NSD3: variants seen among roughly 807,000 people sequenced by gnomAD.
NSD3 encodes histone-lysine N-methyltransferase NSD3.
A neutral mutation model predicts 160.8 loss-of-function variants in NSD3; 24 were observed. The ratio of observed to expected loss-of-function variants is 0.15; its 90% CI spans 0.11 to 0.21. NSD3 has a LOEUF of 0.21. NSD3 is among the 10% of genes least tolerant of loss of function. NSD3 has a pLI of 1.00. For missense variants in NSD3, 1,157 were observed against 1,735.9 expected (o/e 0.67, Z 5.93); for synonymous variants, 520 against 600.0 (o/e 0.87, Z 1.95).
chr8:38,277,969 T>C (rs368131728), intron 22 of NSD3, among the ~76,000 whole-genome samples: 2 of 151,058 alleles, frequency 1.3e-5, no homozygotes, highest in Non-Finnish European at 3.0e-5. Context: ...GATAGAGTCT[T>C]GCACTGTCAC....
chr8:38,313,275 T>C (rs931041872), intron 12 of NSD3, among the ~76,000 whole-genome samples: 2 of 152,140 alleles, frequency 1.3e-5, no homozygotes, highest in Admixed American at 6.5e-5. Context: ...GTGATGTCCA[T>C]CCTATTCACC....
In NSD3 at chr8:38,289,485, G is replaced by A. The variant is rs377294815; in HGVS notation, c.3139C>T (p.Arg1047Cys). 6 of 1,613,248 alleles carry A rather than the reference G, an allele frequency of 3.7e-6. No individual in the cohort carries two copies. Among genetic ancestry groups the A allele is most frequent in the African/African-American group, 1.3e-5 (1 of 74,778 alleles). Residue 1047 changes from arginine to cysteine, a missense_variant, in exon 18 of 24, where the codon CGT becomes TGT. Around this residue, in one of 10 missense-constraint regions of NSD3, gnomAD observed 437 missense variants for 576.6 expected, o/e 0.76. Coordinates refer to ENST00000317025, the MANE Select transcript of NSD3 (RefSeq NM_023034.2). The part of the protein sequence containing the change: ...FKKALEEAAK[R>C]FQELKAQRES... ...CTTTGTGCTTTCAATTCCTGGAAACGTTTTGCAGCTTCTTCCAGTGCTGCC... is the reference window on the plus strand; with the variant it reads ...CTTTGTGCTTTCAATTCCTGGAAACATTTTGCAGCTTCTTCCAGTGCTGCC...
At chr8:38,295,668 CTTTTT>C in intron 16 of NSD3, 123 bp downstream of exon 16, 1 of 702,280 alleles carries the variant, frequency 1.4e-6, no homozygotes, top group Non-Finnish European at 2.1e-6. Context: ...TGGTTCTTTT[CTTTTT>C]TTTTTTTAAG....
At position 38,329,239 on chromosome 8, in the gene NSD3, C is replaced by T. The variant is rs1184463208; in HGVS notation, c.1581+139G>A. 8.5e-6 allele frequency: 9 copies of T among 1,063,472 alleles called. No homozygotes were observed. Among genetic ancestry groups the T allele is most frequent in the South Asian group, 1.8e-5 (1 of 54,866 alleles). 65.9% of individuals were successfully genotyped at this position (1,063,472 alleles called of 1,614,324 possible). ...CCTTTTTGCCTGTCTTTTTTGCCCA[C>T]AGAGTACAATGACTGTATGTTTCAA... On this transcript the variant is annotated intron_variant, in intron 6 of 23. Transcript: ENST00000317025. This position sits in a 1 kb window ranked among gnomAD's most constrained non-coding sequence, Gnocchi z 4.8.
chr8:38,355,677 G>C (rs1810807163), intron 1 of NSD3, among the ~76,000 whole-genome samples: 1 of 152,094 alleles, frequency 6.6e-6, no homozygotes, highest in Non-Finnish European at 1.5e-5. Context: ...ACTTGGTACA[G>C]GCCATCAGAA....
At chr8:38,314,615 C>G in intron 12 of NSD3, 32 bp downstream of exon 12, 1 of 1,613,354 alleles carries the variant, frequency 6.2e-7, no homozygotes. Context: ...TCCCATTCAT[C>G]TTTTCATGAC....
chr8:38,289,151 C>T (rs1005370099), intron 18 of NSD3, among the ~76,000 whole-genome samples: 1 of 152,160 alleles, frequency 6.6e-6, no homozygotes, highest in Non-Finnish European at 1.5e-5. Context: ...TATGAGAGGA[C>T]TTATCAAAGA....
intron 2 of NSD3, among the ~76,000 whole-genome samples, chr8:38,345,075 G>T (rs1474666224): frequency 2.0e-5 from 3 of 152,154 alleles, no homozygotes; most frequent in Non-Finnish European, 2.9e-5. Flanking sequence ...CTCTGGCTTT[G>T]AAGGTCTGTG....
Position 38,315,410 on chromosome 8 carries a change from G to T in NSD3, c.2115+6C>A. On this transcript the variant is annotated splice_donor_region_variant and intron_variant, in intron 11 of 23. Coordinates refer to ENST00000317025, the MANE Select transcript of NSD3 (RefSeq NM_023034.2). The stretch of plus-strand genomic sequence containing the variant: ...TTTCAAGCCATAGCACCAGTTACCT[G>T]CCTACCTGACATACAGTGTCCTTCT... The T allele has an allele frequency of 6.4e-7, 1 of 1,558,110 alleles. No homozygotes were observed.
At chr8:38,279,868 C>A in intron 20 of NSD3, 187 bp from the exon 21 acceptor site, 1 of 582,398 alleles carries the variant, frequency 1.7e-6, no homozygotes, top group Non-Finnish European at 2.9e-6. Context: ...ACCTTCAAGT[C>A]AAAGTAATTA....
Position 38,372,999 on chromosome 8 carries a change from G to A in NSD3, c.-45+8800C>T, listed in dbSNP as rs188845605. ...CGGGACGCGGAGGTTGCAGTGAGCCGAGATTGCGCCACTGGACCTCCAGCC... is the reference window on the plus strand; with the variant it reads ...CGGGACGCGGAGGTTGCAGTGAGCCAAGATTGCGCCACTGGACCTCCAGCC... On this transcript the variant is annotated intron_variant, in intron 1 of 23. Coordinates refer to ENST00000317025, the MANE Select transcript of NSD3 (RefSeq NM_023034.2). 1.8e-3 allele frequency among the ~76,000 whole-genome samples: 269 copies of A among 147,706 alleles called. 1 individual carries two copies. Among genetic ancestry groups the A allele is most frequent in the African/African-American group, 6.3e-3 (253 of 40,268 alleles).
chr8:38,352,757 G>A (rs10448063), intron 1 of NSD3, among the ~76,000 whole-genome samples: 33,516 of 151,826 alleles, frequency 0.22, 3,952 homozygotes, highest in East Asian at 0.31. Context: ...ACAGGCATGC[G>A]CCACACCTGG....
At chr8:38,363,862 T>G (rs914942589) in intron 1 of NSD3, 1 of 152,216 alleles carries the variant, frequency 6.6e-6, no homozygotes, top group African/African-American at 2.4e-5. Context: ...TCTGAAAGCC[T>G]TTCCACTCAC....
Position 38,317,428 on chromosome 8 carries a change from G to A in NSD3, c.1856-1386C>T, listed in dbSNP as rs1483767306. 1.9e-6 allele frequency: 2 copies of A among 1,055,146 alleles called. No homozygotes were observed. The highest frequency in any genetic ancestry group is 4.6e-5 in the South Asian group (1 of 21,902). 65.4% of individuals were successfully genotyped at this position (1,055,146 alleles called of 1,614,324 possible). On this transcript the variant is annotated intron_variant, in intron 9 of 23. Coordinates refer to ENST00000317025, the MANE Select transcript of NSD3 (RefSeq NM_023034.2). This position sits in a 1 kb window ranked among gnomAD's most constrained non-coding sequence, Gnocchi z 5.3. ...AACAAGGAGTTTTAACAGAGGAACA[G>A]GAGTGCTGTACTGAGAGGCTTTCGA...
chr8:38,374,618 C>T (rs1323856305), intron 1 of NSD3, among the ~76,000 whole-genome samples: 3 of 152,066 alleles, frequency 2.0e-5, no homozygotes, highest in Non-Finnish European at 2.9e-5. Flanking sequence ...ATTAATTATA[C>T]GGAAATCTGA....
chr8:38,307,554 A>G (rs12056642), intron 12 of NSD3, among the ~76,000 whole-genome samples: 32,644 of 152,180 alleles, frequency 0.21, 3,717 homozygotes, highest in East Asian at 0.31. Context: ...AGTAACTCAA[A>G]TGTCCTTCGA....
intron 1 of NSD3, among the ~76,000 whole-genome samples, chr8:38,368,647 C>T (rs1278214115): frequency 6.6e-6 from 1 of 152,046 alleles, no homozygotes; most frequent in Non-Finnish European, 1.5e-5. Flanking sequence ...TGCCTTTTAC[C>T]AATACAAAGC....
chr8:38,302,997 T>C (rs554912087), intron 14 of NSD3, among the ~76,000 whole-genome samples: 2 of 152,338 alleles, frequency 1.3e-5, no homozygotes, highest in Admixed American at 1.3e-4. Context: ...AGAATATTAA[T>C]TAATCTACTG....
At chr8:38,295,279 T>C (rs181343786) in intron 16 of NSD3, among the ~76,000 whole-genome samples, 4 of 151,016 alleles carry the variant, frequency 2.6e-5, no homozygotes, top group African/African-American at 9.8e-5. Flanking sequence ...AAAACAAAAG[T>C]TGGTGGGCAT....
Sources: allele counts gnomAD v4.1 joint callset (sites outside exome capture counted in the v4.1 genomes callset), GRCh38; gene constraint gnomAD v4.1.1; regional missense constraint gnomAD v4.1.1; non-coding constraint Gnocchi (gnomAD v3.1); transcripts MANE v1.5; gene names NCBI Gene and HGNC (gene_info 2026-07-23, HGNC 2026-07-21).